The following AIG1 variants were observed in gnomAD, a reference collection of about 807,000 sequenced individuals.
The protein encoded by AIG1 is androgen induced 1.
Under a neutral mutation model 31.4 loss-of-function variants are expected in AIG1, and 23 were observed. That is an observed-to-expected ratio of 0.73 (90% confidence interval 0.53 to 1.04). The LOEUF (loss-of-function observed/expected upper bound fraction) is 1.04, where lower values mean the gene tolerates loss of function less well. AIG1 is among the 50% of genes least tolerant of loss of function. AIG1 has a pLI of 0.00. For synonymous variants in AIG1, 100 were observed against 110.5 expected, an observed-to-expected ratio of 0.90 and a Z score of 0.60; for missense variants, 274 against 295.0, an observed-to-expected ratio of 0.93 and a Z score of 0.52.
intron 1 of AIG1, among the ~76,000 whole-genome samples, chr6:143,124,196 T>C (rs111595488): frequency 1.5e-4 from 23 of 152,338 alleles, no homozygotes; most frequent in African/African-American, 5.1e-4. Context: ...GCATTTCTCC[T>C]TCACAGAAAG....
chr6:143,252,653 T>C (rs1795090255), intron 3 of AIG1, among the ~76,000 whole-genome samples: 1 of 152,238 alleles, frequency 6.6e-6, no homozygotes, highest in Non-Finnish European at 1.5e-5. Context: ...AATGGTTAGA[T>C]GTCTACGTTT....
At chr6:143,294,997 C>T (rs1798322672) in intron 4 of AIG1, among the ~76,000 whole-genome samples, 1 of 152,162 alleles carries the variant, frequency 6.6e-6, no homozygotes, top group Non-Finnish European at 1.5e-5. Flanking sequence ...ATACCTCTCT[C>T]CTGAACCTAC....
At chr6:143,197,537 G>A (rs1160068090) in intron 3 of AIG1, among the ~76,000 whole-genome samples, 1 of 152,040 alleles carries the variant, frequency 6.6e-6, no homozygotes. Flanking sequence ...TTTTTCTTGG[G>A]CACTCAACCA....
In AIG1 at chr6:143,327,529, C is replaced by A; in HGVS notation, c.516-5753C>A. ...GAATAAGGAATGTCCCATACTGTAA[C>A]CATGTGTGGTTGTCCAGAAAATATT... On this transcript the variant is annotated intron_variant, in intron 4 of 5. Coordinates refer to ENST00000357847, the MANE Select transcript of AIG1 (RefSeq NM_016108.4). The surrounding 1 kb of genome is among the most constrained non-coding windows in gnomAD (Gnocchi z 5.3). 2.6e-6 allele frequency: 1 copy of A among 383,252 alleles called. No homozygotes were observed. Among genetic ancestry groups the A allele is most frequent in the Non-Finnish European group, 4.9e-6 (1 of 203,072 alleles). The allele number at this position is 383,252 out of a possible 1,614,324, so 23.7% of individuals were successfully genotyped here.
chr6:143,303,485 C>A (rs1161974290), intron 4 of AIG1, among the ~76,000 whole-genome samples: 8 of 152,176 alleles, frequency 5.3e-5, no homozygotes, highest in Admixed American at 5.2e-4. Context: ...AATAGGGAAT[C>A]CTTTCCCCAT....
intron 1 of AIG1, among the ~76,000 whole-genome samples, chr6:143,076,326 C>G (rs1777723555): frequency 6.6e-6 from 1 of 152,114 alleles, no homozygotes; most frequent in Non-Finnish European, 1.5e-5. Context: ...GTTCTTATTC[C>G]TAGGTAAATA....
Position 143,288,761 on chromosome 6 carries a change from T to C in AIG1, c.515+4536T>C, listed in dbSNP as rs1797862939. Among the ~76,000 whole-genome samples, 1 of 151,998 alleles carries C rather than the reference T, an allele frequency of 6.6e-6. No individual in the cohort carries two copies. ...TCCTGAGAAAGTGTGCCCAAGATGG[T>C]TGGGTTACAGTTTGGTTTTATACAT... On this transcript the variant is annotated intron_variant, in intron 4 of 5. Transcript: ENST00000357847. This position sits in a 1 kb window ranked among gnomAD's most constrained non-coding sequence, Gnocchi z 4.4.
intron 4 of AIG1, among the ~76,000 whole-genome samples, chr6:143,305,266 G>A (rs1171787262): frequency 1.3e-5 from 2 of 152,112 alleles, no homozygotes; most frequent in Non-Finnish European, 2.9e-5. Flanking sequence ...CCTTCTGCTA[G>A]CTTTTGAATG....
rs558707030 is a variant in AIG1 at position 143,275,908 on chromosome 6, T to G, written c.400-8202T>G. ...CTAAGTCACTTAAAAATGGATGTTA[T>G]ATTTTATGGTACAACATGGGTCATC... On this transcript the variant is annotated intron_variant, in intron 3 of 5. Coordinates refer to ENST00000357847, the MANE Select transcript of AIG1 (RefSeq NM_016108.4). 1.5e-3 allele frequency among the ~76,000 whole-genome samples: 227 copies of G among 152,364 alleles called. 2 individuals are homozygous for G. Among genetic ancestry groups the G allele is most frequent in the African/African-American group, 5.1e-3 (212 of 41,586 alleles).
chr6:143,335,241 T>G (rs988602888), intron 5 of AIG1: 4 of 903,472 alleles, frequency 4.4e-6, no homozygotes, highest in Non-Finnish European at 5.9e-6. Context: ...ATTTTAAAAT[T>G]GGGTGATTTT....
intron 3 of AIG1, among the ~76,000 whole-genome samples, chr6:143,194,204 C>A (rs906423277): frequency 2.6e-5 from 4 of 152,154 alleles, no homozygotes; most frequent in Non-Finnish European, 5.9e-5. Context: ...AGGAAACTTA[C>A]AATCATGGCA....
intron 2 of AIG1, among the ~76,000 whole-genome samples, chr6:143,147,948 C>T (rs771461579): frequency 3.3e-5 from 5 of 152,194 alleles, no homozygotes; most frequent in Non-Finnish European, 5.9e-5. Context: ...TTCACATCCC[C>T]AGAAGGTAGG....
At position 143,326,335 on chromosome 6, in the gene AIG1, C is replaced by T. The variant is rs1776608182; in HGVS notation, c.516-6947C>T. Among the ~76,000 whole-genome samples the T allele has an allele frequency of 6.6e-6, 1 of 152,178 alleles. No homozygotes were observed. The highest frequency in any genetic ancestry group is 6.6e-5 in the Admixed American group (1 of 15,264). On this transcript the variant is annotated intron_variant, in intron 4 of 5. Transcript: ENST00000357847. This position sits in a 1 kb window ranked among gnomAD's most constrained non-coding sequence, Gnocchi z 4.5. Reference sequence around the variant, plus strand: ...GAACTTCTGGGAGCGTTCTCTTGTTCTCAGTTCTTTAGACATGCCTTTTTT... The same window carrying T: ...GAACTTCTGGGAGCGTTCTCTTGTTTTCAGTTCTTTAGACATGCCTTTTTT...
chr6:143,343,254 G>A, downstream of AIG1: 2 of 655,920 alleles, frequency 3.0e-6, no homozygotes, highest in South Asian at 1.4e-5. Context: ...ACATCTTGGG[G>A]GAGCTCTCTT....
At chr6:143,248,360 G>C (rs1377065897) in intron 3 of AIG1, among the ~76,000 whole-genome samples, 1 of 152,136 alleles carries the variant, frequency 6.6e-6, no homozygotes, top group Non-Finnish European at 1.5e-5. Context: ...ATTTTTGAAG[G>C]CACAGTTTTA....
chr6:143,243,219 G>C (rs1282891434), intron 3 of AIG1, among the ~76,000 whole-genome samples: 1 of 152,194 alleles, frequency 6.6e-6, no homozygotes, highest in African/African-American at 2.4e-5. Context: ...TTGCAGCTGG[G>C]TATGTAGGTG....
In AIG1 at chr6:143,272,386, A is replaced by G. The variant is rs142729715; in HGVS notation, c.400-11724A>G. Among the ~76,000 whole-genome samples the G allele has an allele frequency of 2.6e-3, 390 of 152,318 alleles. 1 individual carries two copies. The highest frequency in any genetic ancestry group is 9.0e-3 in the African/African-American group (376 of 41,564). On this transcript the variant is annotated intron_variant, in intron 3 of 5. Coordinates refer to ENST00000357847, the MANE Select transcript of AIG1 (RefSeq NM_016108.4). ...CAGAGCAGCTTTCTTCCAGGTGGTA[A>G]TGCAGGGATCCAGAACCCTTCCATC... is the stretch of plus-strand genomic sequence containing the variant.
At chr6:143,065,648 AG>A (rs1776628890) in intron 1 of AIG1, among the ~76,000 whole-genome samples, 1 of 152,226 alleles carries the variant, frequency 6.6e-6, no homozygotes, top group Non-Finnish European at 1.5e-5. Context: ...TAAATGTTTA[AG>A]TAAATGGAAG....
chr6:143,148,337 C>CAA (rs527337431), intron 2 of AIG1, among the ~76,000 whole-genome samples: 47 of 46,300 alleles, frequency 1.0e-3, no homozygotes, highest in South Asian at 6.9e-3. Flanking sequence ...CCCATCTCTA[C>CAA]AAAAAAAAAA....
Sources: gnomAD v4.1 joint callset for allele counts (sites outside exome capture counted in the v4.1 genomes callset) on GRCh38, gnomAD v4.1.1 for gene constraint, Gnocchi (gnomAD v3.1) non-coding constraint, MANE v1.5 for transcripts, NCBI Gene and HGNC (gene_info 2026-07-23, HGNC 2026-07-21) for gene names.